PCSK2: variants seen among roughly 807,000 people sequenced by gnomAD.
PCSK2 encodes the protein neuroendocrine convertase 2.
In PCSK2, 14 loss-of-function variants were observed where a neutral mutation model predicts 69.7. The observed-to-expected ratio is 0.20, with a 90% CI of 0.13 to 0.31. The LOEUF is 0.31. Among genes scored for constraint, PCSK2 ranks in the 10% least tolerant of loss-of-function variants. PCSK2 has a pLI of 1.00. For missense variants in PCSK2, 544 were observed against 842.5 expected (o/e 0.65, Z 4.39); for synonymous variants, 307 against 320.7 (o/e 0.96, Z 0.46).
intron 8 of PCSK2, among the ~76,000 whole-genome samples, chr20:17,447,978 T>C (rs937459571): frequency 2.0e-5 from 3 of 152,234 alleles, no homozygotes; most frequent in African/African-American, 7.2e-5. Flanking sequence ...ATATCACCAG[T>C]GATTATCTAT....
Position 17,465,319 on chromosome 20 carries a change from T to G in PCSK2, c.1203-7T>G, listed in dbSNP as rs372001702. On this transcript the variant is annotated splice_region_variant and splice_polypyrimidine_tract_variant and intron_variant, in intron 10 of 11. Transcript: ENST00000262545. Reference sequence around the variant, plus strand: ...TTGCCCTCTTGCTCTCTGCTTCCTGTATCCAGCCTGGGTCTGACCTGGCGG... The same window carrying G: ...TTGCCCTCTTGCTCTCTGCTTCCTGGATCCAGCCTGGGTCTGACCTGGCGG... 6.8e-6 allele frequency: 11 copies of G among 1,611,900 alleles called. No individual in the cohort carries two copies. Among genetic ancestry groups the G allele is most frequent in the Non-Finnish European group, 8.5e-6 (10 of 1,178,256 alleles).
chr20:17,320,647 G>A lies in PCSK2; in HGVS notation c.283-37680G>A, dbSNP rs188817120. Among the ~76,000 whole-genome samples the A allele has an allele frequency of 3.8e-4, 58 of 152,342 alleles. 1 individual carries two copies. The highest frequency in any genetic ancestry group is 6.5e-5 in the Admixed American group (1 of 15,302). ...CATGACTCAGTCATCCACCCAATGGGAAGAAAGTTGGGTGTTTATCCACAA... is the reference window on the plus strand; with the variant it reads ...CATGACTCAGTCATCCACCCAATGGAAAGAAAGTTGGGTGTTTATCCACAA... On this transcript the variant is annotated intron_variant, in intron 2 of 11. Transcript: ENST00000262545.
chr20:17,256,610 AC>A, intron 1 of PCSK2, among the ~76,000 whole-genome samples: 1 of 124,058 alleles, frequency 8.1e-6, no homozygotes, highest in African/African-American at 3.0e-5. Flanking sequence ...CTGCACCCCC[AC>A]CCCTGTTTTT....
intron 2 of PCSK2, among the ~76,000 whole-genome samples, chr20:17,292,325 A>ATC (rs34381811): frequency 0.16 from 24,035 of 152,132 alleles, 2,298 homozygotes; most frequent in Non-Finnish European, 0.22. Context: ...GGCCTTAAAG[A>ATC]TCTGCCCCCA....
intron 1 of PCSK2, among the ~76,000 whole-genome samples, chr20:17,245,260 T>C (rs1042149930): frequency 6.6e-6 from 1 of 152,232 alleles, no homozygotes; most frequent in Admixed American, 6.5e-5. Context: ...AAATTACTTT[T>C]TCAAGCAGAC....
intron 3 of PCSK2, among the ~76,000 whole-genome samples, chr20:17,359,284 C>G (rs905477862): frequency 6.6e-6 from 1 of 152,156 alleles, no homozygotes; most frequent in Non-Finnish European, 1.5e-5. Context: ...TGCTTTTTGG[C>G]ATGGAAGTCC....
chr20:17,310,456 A>G (rs1015891082), intron 2 of PCSK2, among the ~76,000 whole-genome samples: 2 of 152,170 alleles, frequency 1.3e-5, no homozygotes, highest in African/African-American at 2.4e-5. Context: ...ATAATATATT[A>G]ATAGCCAACA....
At chr20:17,471,624 T>C (rs894325292) in intron 11 of PCSK2, among the ~76,000 whole-genome samples, 2 of 152,216 alleles carry the variant, frequency 1.3e-5, no homozygotes, top group Non-Finnish European at 2.9e-5. Flanking sequence ...GGAAGGAGGC[T>C]CTGCCTTGGT....
At chr20:17,331,274 G>T (rs74558783) in intron 2 of PCSK2, among the ~76,000 whole-genome samples, 1 of 152,166 alleles carries the variant, frequency 6.6e-6, no homozygotes, top group Non-Finnish European at 1.5e-5. Flanking sequence ...TCTGCAGCAC[G>T]TTGGACATTA....
intron 2 of PCSK2, among the ~76,000 whole-genome samples, chr20:17,325,440 T>C (rs561137474): frequency 6.6e-5 from 10 of 152,320 alleles, no homozygotes; most frequent in African/African-American, 2.4e-4. Context: ...GACACTAAAA[T>C]AACCCAATGG....
intron 5 of PCSK2, among the ~76,000 whole-genome samples, chr20:17,405,237 T>G (rs2031727105): frequency 6.6e-6 from 1 of 152,222 alleles, no homozygotes; most frequent in Non-Finnish European, 1.5e-5. Context: ...AAACCAAGTC[T>G]GTTTGACTTG....
intron 1 of PCSK2, among the ~76,000 whole-genome samples, chr20:17,229,880 G>A (rs1265554412): frequency 6.6e-6 from 1 of 152,152 alleles, no homozygotes; most frequent in Non-Finnish European, 1.5e-5. Context: ...GGCAAACACT[G>A]CACTACATAA....
intron 4 of PCSK2, among the ~76,000 whole-genome samples, chr20:17,368,934 T>C (rs1482115000): frequency 6.6e-6 from 1 of 152,242 alleles, no homozygotes; most frequent in Non-Finnish European, 1.5e-5. Flanking sequence ...GAAATGCCAG[T>C]TGATGCTTTA....
chr20:17,361,541 C>A (rs1055428887), intron 4 of PCSK2, among the ~76,000 whole-genome samples: 3 of 152,104 alleles, frequency 2.0e-5, no homozygotes, highest in African/African-American at 7.2e-5. Context: ...CATTATTGAC[C>A]CAATTATATA....
intron 2 of PCSK2, among the ~76,000 whole-genome samples, chr20:17,353,652 A>G (rs2030088484): frequency 6.6e-6 from 1 of 152,212 alleles, no homozygotes; most frequent in Admixed American, 6.5e-5. Context: ...CTATATACTC[A>G]AAGAAAAATA....
At chr20:17,357,868 T>C (rs2030255951) in intron 2 of PCSK2, among the ~76,000 whole-genome samples, 1 of 147,936 alleles carries the variant, frequency 6.8e-6, no homozygotes, top group Admixed American at 6.9e-5. Context: ...CCCTCCGGCC[T>C]GGGCAACAAG....
chr20:17,351,211 C>A (rs970025553), intron 2 of PCSK2, among the ~76,000 whole-genome samples: 2 of 152,000 alleles, frequency 1.3e-5, no homozygotes, highest in African/African-American at 4.8e-5. Context: ...CATTTGTGCA[C>A]AAATGTCAAA....
At chr20:17,400,202 A>C (rs1268188950) in intron 5 of PCSK2, among the ~76,000 whole-genome samples, 3 of 152,240 alleles carry the variant, frequency 2.0e-5, no homozygotes, top group Non-Finnish European at 4.4e-5. Flanking sequence ...CTGATGTTCT[A>C]GGAAGTAAAT....
chr20:17,348,042 GAAAGAAAGGAAAGAAA>G (rs1990735853), intron 2 of PCSK2, among the ~76,000 whole-genome samples: 1 of 45,182 alleles, frequency 2.2e-5, no homozygotes. Context: ...AAGAAAGAAA[GAAAGAAAGGAAAGAAA>G]GAAAGAAAGA....
Sources: allele counts gnomAD v4.1 joint callset (sites outside exome capture counted in the v4.1 genomes callset), GRCh38; gene constraint gnomAD v4.1.1; transcripts MANE v1.5; gene names NCBI Gene and HGNC (gene_info 2026-07-23, HGNC 2026-07-21).